ZDHHC1: variants seen among roughly 807,000 people sequenced by gnomAD.
The protein encoded by ZDHHC1 is zDHHC palmitoyltransferase 1, also known as palmitoyltransferase ZDHHC1.
ZDHHC1 carries 45 observed loss-of-function variants against 46.9 expected under a neutral mutation model. The observed-to-expected ratio is 0.96, with a 90% CI of 0.76 to 1.23. The LOEUF is 1.23. Among genes scored for constraint, ZDHHC1 ranks in the 50% most tolerant of loss-of-function variants. The pLI is 0.00. For missense variants in ZDHHC1, 649 were observed against 670.8 expected, an observed-to-expected ratio of 0.97 and a Z score of 0.36; for synonymous variants, 291 against 286.0, an observed-to-expected ratio of 1.02 and a Z score of -0.18.
Position 67,394,885 on chromosome 16 carries a change from C to A in ZDHHC1, c.1174G>T (p.Ala392Ser), listed in dbSNP as rs1373494784. The A allele has an allele frequency of 1.3e-6, 2 of 1,555,894 alleles. No homozygotes were observed. Among genetic ancestry groups the A allele is most frequent in the Middle Eastern group, 1.8e-4 (1 of 5,664 alleles). Residue 392 changes from alanine to serine, a missense_variant, in exon 12 of 12, where the codon GCC becomes TCC. Transcript: ENST00000565726. ...ETSDPASGPR[A>S]PSRRSSSSTD... Reference sequence around the variant, plus strand: ...GACGAGCTGGAGCGGCGGCTGGGGGCCCTAGGCCCTGCGCAAGGGAAGGGA... The same window carrying A: ...GACGAGCTGGAGCGGCGGCTGGGGGACCTAGGCCCTGCGCAAGGGAAGGGA...
At chr16:67,408,408 C>CA (rs575776246) in intron 1 of ZDHHC1, among the ~76,000 whole-genome samples, 103 of 151,500 alleles carry the variant, frequency 6.8e-4, no homozygotes, top group African/African-American at 2.3e-3. Flanking sequence ...ACTCCAGACT[C>CA]AAGAGATCCG....
At chr16:67,404,376 A>T (rs544045583) in intron 3 of ZDHHC1, 3 of 219,618 alleles carry the variant, frequency 1.4e-5, no homozygotes, top group African/African-American at 6.8e-5. Flanking sequence ...GGGGCCCAGC[A>T]CCCTAGGGCT....
chr16:67,413,109 C>T (rs2040776474), intron 1 of ZDHHC1, among the ~76,000 whole-genome samples: 1 of 151,604 alleles, frequency 6.6e-6, no homozygotes, highest in Admixed American at 6.6e-5. Flanking sequence ...AGACAGGATC[C>T]TGCTTTGTTG....
chr16:67,398,293 G>C lies in ZDHHC1; in HGVS notation c.846C>G (p.Ile282Met). 6.2e-7 allele frequency: 1 copy of C among 1,614,008 alleles called. No homozygotes were observed. Among genetic ancestry groups the C allele is most frequent in the Non-Finnish European group, 8.5e-7 (1 of 1,179,954 alleles). Residue 282 changes from isoleucine (I) to methionine (M), a missense_variant, in exon 8 of 12, where the codon ATC becomes ATG. By Grantham distance (10) the Ile-to-Met change is conservative. Transcript: ENST00000565726. ...MWHKLTTYEY[I>M]VQHRPPQEAK... ...CCTCCTGTGGTGGGCGGTGCTGCAC[G>C]ATGTACTCATAGGTGGTGAGCTTGT...
At chr16:67,399,244 G>T in intron 5 of ZDHHC1, 111 bp downstream of exon 5, 1 of 1,014,474 alleles carries the variant, frequency 9.9e-7, no homozygotes, top group Non-Finnish European at 1.5e-6. Flanking sequence ...ACGGGCACAG[G>T]TCCTCGAAGC....
At chr16:67,412,149 A>T (rs2040757604) in intron 1 of ZDHHC1, among the ~76,000 whole-genome samples, 1 of 151,964 alleles carries the variant, frequency 6.6e-6, no homozygotes, top group South Asian at 2.1e-4. Flanking sequence ...GGATGGATAG[A>T]TATCTACATT....
At position 67,394,899 on chromosome 16, in the gene ZDHHC1, C is replaced by T. The variant is rs990120266; in HGVS notation, c.1166-6G>A. On this transcript the variant is annotated splice_region_variant and splice_polypyrimidine_tract_variant and intron_variant, in intron 11 of 11. Transcript: ENST00000565726. ...GCGGCTGGGGGCCCTAGGCCCTGCG[C>T]AAGGGAAGGGAACATGAGCCCAGTG... 1 of 1,564,560 alleles carries T rather than the reference C, an allele frequency of 6.4e-7. No homozygotes were observed. The highest frequency in any genetic ancestry group is 8.6e-7 in the Non-Finnish European group (1 of 1,156,860).
chr16:67,405,902 G>A (rs1229560327), intron 3 of ZDHHC1, among the ~76,000 whole-genome samples: 1 of 152,192 alleles, frequency 6.6e-6, no homozygotes, highest in African/African-American at 2.4e-5. Flanking sequence ...AGGATGGTTT[G>A]AGGCTCCTCC....
intron 1 of ZDHHC1, among the ~76,000 whole-genome samples, chr16:67,413,895 T>C (rs8063984): frequency 3.2e-4 from 44 of 138,312 alleles, no homozygotes; most frequent in African/African-American, 1.1e-3. Context: ...GCCGGGATCA[T>C]GCCATTGCAC....
In ZDHHC1 at chr16:67,414,995, G is replaced by C. The variant is rs58809818; in HGVS notation, c.-39+1176C>G. On this transcript the variant is annotated intron_variant, in intron 1 of 11. Transcript: ENST00000565726. ...CTACTAAAAATACAAAAATTAGCTG[G>C]GTGTGGTGGCAGGCGCCTGTAATCC... 4.4e-3 allele frequency among the ~76,000 whole-genome samples: 672 copies of C among 152,264 alleles called. 5 individuals carry two copies. The highest frequency in any genetic ancestry group is 0.015 in the African/African-American group (642 of 41,542).
At chr16:67,413,519 T>G (rs745785357) in intron 1 of ZDHHC1, among the ~76,000 whole-genome samples, 2 of 152,196 alleles carry the variant, frequency 1.3e-5, no homozygotes, top group African/African-American at 4.8e-5. Flanking sequence ...CTAGCTCAAC[T>G]AACGGATGCG....
At chr16:67,408,419 C>T (rs770008978) in intron 1 of ZDHHC1, among the ~76,000 whole-genome samples, 8 of 151,520 alleles carry the variant, frequency 5.3e-5, no homozygotes, top group Non-Finnish European at 8.8e-5. Context: ...AAGAGATCCG[C>T]CAGCCTTGGC....
chr16:67,413,223 G>A (rs2040778966), intron 1 of ZDHHC1, among the ~76,000 whole-genome samples: 1 of 152,140 alleles, frequency 6.6e-6, no homozygotes, highest in South Asian at 2.1e-4. Flanking sequence ...GGGATTACAG[G>A]TGTAAACAAC....
In ZDHHC1 at chr16:67,398,816, T is replaced by C. The variant is rs376612420; in HGVS notation, c.655+4A>G. 84 of 1,612,764 alleles carry C rather than the reference T, an allele frequency of 5.2e-5. 1 individual carries two copies. In the African/African-American group the frequency reaches 8.5e-4, roughly 16 times the overall value. ...GTGAGAATAGGCCCGGAGCCTAAACTGACCTTCAAAGTGTCGGTTGGTGCG... is the reference window on the plus strand; with the variant it reads ...GTGAGAATAGGCCCGGAGCCTAAACCGACCTTCAAAGTGTCGGTTGGTGCG... On this transcript the variant is annotated splice_donor_region_variant and intron_variant, in intron 6 of 11. Transcript: ENST00000565726.
intron 3 of ZDHHC1, chr16:67,404,723 A>G (rs766161360): frequency 8.8e-6 from 4 of 455,958 alleles, no homozygotes; most frequent in South Asian, 6.2e-5. Flanking sequence ...CTTCTTCATT[A>G]GGAAATGGGG....
chr16:67,398,373 G>A, intron 7 of ZDHHC1, 49 bp from the exon 8 acceptor site: 1 of 1,578,222 alleles, frequency 6.3e-7, no homozygotes, highest in Non-Finnish European at 8.6e-7. Context: ...GGACTCTGGA[G>A]CTCAGAACAG....
chr16:67,401,271 C>T lies in ZDHHC1; in HGVS notation c.253-139G>A. 5.0e-6 allele frequency: 6 copies of T among 1,188,676 alleles called. No individual in the cohort carries two copies. The highest frequency in any genetic ancestry group is 6.9e-6 in the Non-Finnish European group (6 of 864,360). 73.6% of individuals were successfully genotyped at this position (1,188,676 alleles called of 1,614,324 possible). On this transcript the variant is annotated intron_variant, in intron 3 of 11. Coordinates refer to ENST00000565726, the MANE Select transcript of ZDHHC1 (RefSeq NM_001323627.2). This position sits in a 1 kb window ranked among gnomAD's most constrained non-coding sequence, Gnocchi z 4.6. ...GCCTCTGCCACCTCCTACCTCCAGT[C>T]CCCCAAAGCCTCCTCATCAGACCTC...
At chr16:67,402,046 T>G (rs2142239774) in intron 3 of ZDHHC1, among the ~76,000 whole-genome samples, 1 of 152,242 alleles carries the variant, frequency 6.6e-6, no homozygotes, top group Non-Finnish European at 1.5e-5. Flanking sequence ...TCTCTTTTCC[T>G]CCCTTCCTCC....
rs533024095 is a variant in ZDHHC1, at chr16:67,399,561, G to C, written c.429-105C>G. 1.5e-4 allele frequency: 133 copies of C among 887,764 alleles called. No individual in the cohort carries two copies. In the Middle Eastern group the frequency reaches 2.9e-3, roughly 20 times the overall value. 55.0% of individuals were successfully genotyped at this position (887,764 alleles called of 1,614,324 possible). A position where few individuals can be genotyped will look rare whatever the true frequency, so the allele number is the denominator to read the frequency against. On this transcript the variant is annotated intron_variant, in intron 4 of 11. Transcript: ENST00000565726. ...GGTCTGTGGAGGGACCAAGCGCCAGGCCTGAGACAGCCCCGAGCGAGGCGA... is the reference window on the plus strand; with the variant it reads ...GGTCTGTGGAGGGACCAAGCGCCAGCCCTGAGACAGCCCCGAGCGAGGCGA...
Sources: allele counts gnomAD v4.1 joint callset (sites outside exome capture counted in the v4.1 genomes callset), GRCh38; gene constraint gnomAD v4.1.1; non-coding constraint Gnocchi (gnomAD v3.1); transcripts MANE v1.5; gene names NCBI Gene and HGNC (gene_info 2026-07-23, HGNC 2026-07-21).